LDB2: variants seen among roughly 807,000 people sequenced by gnomAD.
LDB2 encodes the protein LIM domain-binding protein 2.
LDB2 carries 12 observed loss-of-function variants against 44.3 expected under a neutral mutation model. The observed-to-expected ratio is 0.27, with a 90% confidence interval of 0.17 to 0.44. The LOEUF (loss-of-function observed/expected upper bound fraction) is 0.44. Ranked by LOEUF, LDB2 falls within the 20% of genes least tolerant of loss-of-function variation. The probability of loss-of-function intolerance (pLI) is 1.00; values close to 1 mark genes in which losing one functional copy is unlikely to be tolerated. For synonymous variants in LDB2, 164 were observed against 174.8 expected (o/e 0.94, Z 0.49); for missense variants, 344 against 473.5 (o/e 0.73, Z 2.54).
At chr4:16,795,761 A>G (rs796731159) in intron 1 of LDB2, among the ~76,000 whole-genome samples, 1 of 152,152 alleles carries the variant, frequency 6.6e-6, no homozygotes, top group African/African-American at 2.4e-5. Flanking sequence ...CACCACCTTA[A>G]CCTGTAGGAC....
intron 2 of LDB2, among the ~76,000 whole-genome samples, chr4:16,608,973 G>A (rs1724790743): frequency 6.6e-6 from 1 of 152,122 alleles, no homozygotes. Context: ...CGGCCGACTG[G>A]AAACAGCGGA....
chr4:16,779,159 G>C (rs1772609558), intron 1 of LDB2, among the ~76,000 whole-genome samples: 2 of 152,162 alleles, frequency 1.3e-5, no homozygotes, highest in South Asian at 4.1e-4. Flanking sequence ...CGCAGAACTT[G>C]GCTTTGGGAG....
chr4:16,546,516 A>T (rs991039216), intron 5 of LDB2, among the ~76,000 whole-genome samples: 4 of 152,230 alleles, frequency 2.6e-5, no homozygotes, highest in Non-Finnish European at 5.9e-5. Flanking sequence ...CTGGAAACAT[A>T]AAAGTATGAC....
intron 2 of LDB2, among the ~76,000 whole-genome samples, chr4:16,656,804 TATG>T (rs1739996758): frequency 6.6e-6 from 1 of 152,304 alleles, no homozygotes; most frequent in Admixed American, 6.5e-5. Flanking sequence ...TCCTTTAATA[TATG>T]ATGGAAACAG....
intron 1 of LDB2, among the ~76,000 whole-genome samples, chr4:16,795,984 G>C (rs1316772034): frequency 6.6e-6 from 1 of 152,104 alleles, no homozygotes; most frequent in Non-Finnish European, 1.5e-5. Flanking sequence ...AGAAATTTGG[G>C]AAACATTTGC....
At chr4:16,822,612 G>A (rs1354124199) in intron 1 of LDB2, among the ~76,000 whole-genome samples, 1 of 151,988 alleles carries the variant, frequency 6.6e-6, no homozygotes, top group East Asian at 1.9e-4. Context: ...TCTGCCTCCT[G>A]GTGTGATTCT....
chr4:16,686,125 C>G (rs1204047623), intron 2 of LDB2, among the ~76,000 whole-genome samples: 1 of 152,098 alleles, frequency 6.6e-6, no homozygotes, highest in Non-Finnish European at 1.5e-5. Context: ...ATTCAGTTTC[C>G]CTGGCCAGAG....
intron 2 of LDB2, among the ~76,000 whole-genome samples, chr4:16,634,010 G>A (rs1405738541): frequency 6.6e-6 from 1 of 152,128 alleles, no homozygotes; most frequent in African/African-American, 2.4e-5. Flanking sequence ...CAAGCAATGG[G>A]GAAAACATGC....
intron 1 of LDB2, among the ~76,000 whole-genome samples, chr4:16,856,662 C>A (rs1224520271): frequency 6.6e-6 from 1 of 152,110 alleles, no homozygotes; most frequent in Non-Finnish European, 1.5e-5. Context: ...TGTAATTCTA[C>A]CCTTAAGTAC....
At chr4:16,502,919 GAA>G in intron 7 of LDB2, 46 bp from the exon 8 acceptor site, 1 of 1,608,406 alleles carries the variant, frequency 6.2e-7, no homozygotes, top group Non-Finnish European at 8.5e-7. Flanking sequence ...TTGGGAGAGA[GAA>G]GCTCAGCTTA....
intron 1 of LDB2, among the ~76,000 whole-genome samples, chr4:16,772,070 C>T (rs573556929): frequency 2.9e-4 from 44 of 152,254 alleles, no homozygotes; most frequent in African/African-American, 9.9e-4. Flanking sequence ...CAGGGCTGCA[C>T]TCCACTACAC....
chr4:16,601,587 T>G (rs1164651584), intron 2 of LDB2, among the ~76,000 whole-genome samples: 1 of 152,168 alleles, frequency 6.6e-6, no homozygotes, highest in African/African-American at 2.4e-5. Context: ...TTAGGTAAAC[T>G]TAATTATATT....
chr4:16,727,548 CT>C (rs1430835190), intron 2 of LDB2, among the ~76,000 whole-genome samples: 2 of 152,176 alleles, frequency 1.3e-5, no homozygotes, highest in African/African-American at 4.8e-5. Context: ...TGAGGTATTT[CT>C]TACCTGGCTT....
intron 1 of LDB2, among the ~76,000 whole-genome samples, chr4:16,761,617 C>A (rs1215029134): frequency 1.3e-5 from 2 of 152,154 alleles, no homozygotes; most frequent in East Asian, 3.8e-4. Context: ...ACAATAACAA[C>A]AACAATAGTT....
intron 2 of LDB2, among the ~76,000 whole-genome samples, chr4:16,620,741 ACT>A (rs1728647025): frequency 1.3e-5 from 2 of 152,106 alleles, no homozygotes; most frequent in Admixed American, 1.3e-4. Context: ...TGTGTGTTCT[ACT>A]CAGCTTCTCC....
At chr4:16,614,927 G>A (rs993101225) in intron 2 of LDB2, among the ~76,000 whole-genome samples, 13 of 150,646 alleles carry the variant, frequency 8.6e-5, no homozygotes, top group African/African-American at 1.5e-4. Flanking sequence ...AAAATTAGCC[G>A]GGCGTAGTGG....
chr4:16,712,640 C>A (rs1056995504), intron 2 of LDB2, among the ~76,000 whole-genome samples: 1 of 152,116 alleles, frequency 6.6e-6, no homozygotes, highest in Admixed American at 6.6e-5. Flanking sequence ...CACTAGGGAA[C>A]TGCAAATCAA....
chr4:16,699,044 T>C lies in LDB2; in HGVS notation c.235+60114A>G, dbSNP rs539388423. Among the ~76,000 whole-genome samples, 20 of 152,326 alleles carry C rather than the reference T, an allele frequency of 1.3e-4. 1 individual carries two copies. The South Asian group carries it at 4.1e-3, about 32-fold the overall frequency. On this transcript the variant is annotated intron_variant, in intron 2 of 7. Transcript: ENST00000304523. ...CATCTTATTTTAAGAGGCAGCTCTT[T>C]ATATTGTTACACAGCTTTTTTACCC...
intron 1 of LDB2, among the ~76,000 whole-genome samples, chr4:16,839,089 T>G (rs76871157): frequency 0.025 from 3,733 of 152,318 alleles, 125 homozygotes; most frequent in African/African-American, 0.073. Context: ...CTATTTTTTA[T>G]TCTTTGTATT....
Sources: allele counts gnomAD v4.1 joint callset (sites outside exome capture counted in the v4.1 genomes callset), GRCh38; gene constraint gnomAD v4.1.1; transcripts MANE v1.5; gene names NCBI Gene and HGNC (gene_info 2026-07-23, HGNC 2026-07-21).